ZFR2: variants seen among roughly 807,000 people sequenced by gnomAD.
ZFR2 encodes the protein zinc finger RNA binding protein 2, also known as zinc finger RNA-binding protein 2.
Under a neutral mutation model 105.7 loss-of-function variants are expected in ZFR2, and 104 were observed. The observed-to-expected ratio is 0.98, with a 90% CI of 0.84 to 1.16. ZFR2 has a LOEUF of 1.16. ZFR2 is among the 50% of genes most tolerant of loss of function. The pLI is 0.00. For missense variants in ZFR2, 1,425 were observed against 1,355.5 expected (o/e 1.05, Z -0.80); for synonymous variants, 634 against 597.7 (o/e 1.06, Z -0.89).
chr19:3,819,017 G>A, intron 12 of ZFR2, 28 bp downstream of exon 12: 1 of 1,605,654 alleles, frequency 6.2e-7, no homozygotes. Flanking sequence ...CTGAGAGCCG[G>A]GCCCTGGGGA....
chr19:3,812,753 A>G (rs940513065), intron 14 of ZFR2, among the ~76,000 whole-genome samples: 5 of 151,852 alleles, frequency 3.3e-5, no homozygotes, highest in Admixed American at 2.0e-4. Flanking sequence ...CAAGGCTCTT[A>G]TTAAAAAACA....
At position 3,822,153 on chromosome 19, in the gene ZFR2, G is replaced by A. The variant is rs1386608836; in HGVS notation, c.1419C>T (p.Cys473=). 1.2e-6 allele frequency: 2 copies of A among 1,608,820 alleles called. No homozygotes were observed. Among genetic ancestry groups the A allele is most frequent in the Non-Finnish European group, 1.7e-6 (2 of 1,177,966 alleles). ...CGTTAAGGTCGTTGAAACTGCACTC[G>A]CACAGCTTGCAGTGGAAGCGAAGCA... ...GRVLRFHCKL[C]ECSFNDLNAK... Residue 473 remains cysteine, a synonymous_variant, in exon 9 of 19, where the codon TGC becomes TGT. Transcript: ENST00000262961.
Position 3,862,242 on chromosome 19 carries a change from A to T in ZFR2, c.53+6723T>A, listed in dbSNP as rs532986452. ...AAATCCAGAAACAGAGAATATGTTT[A>T]GGAGAGAAAAAAGTCTCCTAGGAAT... On this transcript the variant is annotated intron_variant, in intron 1 of 18. Transcript: ENST00000262961. 3.9e-5 allele frequency among the ~76,000 whole-genome samples: 6 copies of T among 152,372 alleles called. No individual in the cohort carries two copies. In the South Asian group the frequency reaches 8.3e-4, roughly 21 times the overall value.
chr19:3,805,736 G>T lies in ZFR2; in HGVS notation c.*213C>A. ...GTCTGGGCTGGCCTTGAACTCTCAG[G>T]CTCAAGCAACTCAGCCTCCCAAAGT... On this transcript the variant is annotated 3_prime_UTR_variant, in exon 19 of 19. Transcript: ENST00000262961. The T allele has an allele frequency of 1.9e-6, 1 of 519,584 alleles. No homozygotes were observed. The highest frequency in any genetic ancestry group is 3.2e-6 in the Non-Finnish European group (1 of 310,148). 32.2% of individuals were successfully genotyped at this position (519,584 alleles called of 1,614,324 possible).
At chr19:3,865,603 C>A (rs2038419116) in intron 1 of ZFR2, among the ~76,000 whole-genome samples, 1 of 152,122 alleles carries the variant, frequency 6.6e-6, no homozygotes, top group South Asian at 2.1e-4. Context: ...AGTGATCCTC[C>A]TGTCTTGGCC....
At chr19:3,809,196 G>A (rs780622919) in intron 16 of ZFR2, among the ~76,000 whole-genome samples, 10 of 152,170 alleles carry the variant, frequency 6.6e-5, no homozygotes, top group African/African-American at 2.4e-4. Flanking sequence ...TTCTGAGAGC[G>A]GAGTCTCGCT....
At chr19:3,865,920 C>A (rs545743472) in intron 1 of ZFR2, among the ~76,000 whole-genome samples, 148 of 152,276 alleles carry the variant, frequency 9.7e-4, no homozygotes, top group African/African-American at 3.4e-3. Context: ...CAGCTCACAG[C>A]AACCTCCACC....
rs2037678199 is a variant in ZFR2, at chr19:3,804,622, G to A, written c.*1327C>T. On this transcript the variant is annotated 3_prime_UTR_variant, in exon 19 of 19. Transcript: ENST00000262961. ...GGGAGGCCCAGCCAGGATCCTCATC[G>A]CCCGTCGGCGTGTCCACCTGGCCCT... 6.6e-6 allele frequency: 1 copy of A among 151,690 alleles called. No homozygotes were observed. 9.4% of individuals were successfully genotyped at this position (151,690 alleles called of 1,614,324 possible). A position where few individuals can be genotyped will look rare whatever the true frequency, so the allele number is the denominator to read the frequency against.
Position 3,838,713 on chromosome 19 carries a change from C to T in ZFR2, c.54-3730G>A, listed in dbSNP as rs149160033. ...GTGGCTGCTCAGTGACACCCTGGGA[C>T]GAGCCCTCCTGGAGCCCCTGTGGCC... On this transcript the variant is annotated intron_variant, in intron 1 of 18. Coordinates refer to ENST00000262961, the MANE Select transcript of ZFR2 (RefSeq NM_015174.2). The surrounding 1 kb of genome is among the most constrained non-coding windows in gnomAD (Gnocchi z 4.9). Among the ~76,000 whole-genome samples the T allele has an allele frequency of 0.012, 1,803 of 152,254 alleles. 30 individuals are homozygous for T. The highest frequency in any genetic ancestry group is 0.042 in the African/African-American group (1,730 of 41,544).
rs144364496 is a variant in ZFR2, at chr19:3,846,134, G to A, written c.54-11151C>T. 8.7e-4 allele frequency among the ~76,000 whole-genome samples: 132 copies of A among 152,304 alleles called. 2 individuals carry two copies. The East Asian group carries it at 0.016, about 19-fold the overall frequency. ...TGGGACTAAAGGCGTGTGCCACCAC[G>A]CCTGGCTAATTTTTGTATTTTTAAT... On this transcript the variant is annotated intron_variant, in intron 1 of 18. Transcript: ENST00000262961.
chr19:3,819,440 C>T (rs567432417), intron 11 of ZFR2, among the ~76,000 whole-genome samples: 14 of 152,238 alleles, frequency 9.2e-5, no homozygotes, highest in South Asian at 6.2e-4. Flanking sequence ...GCAGGAAGCT[C>T]GGGTCTGAGT....
chr19:3,812,093 G>T (rs192750767), intron 14 of ZFR2, among the ~76,000 whole-genome samples: 1 of 151,900 alleles, frequency 6.6e-6, no homozygotes, highest in Non-Finnish European at 1.5e-5. Flanking sequence ...ACCGGCGCAC[G>T]CCACCACGCC....
At chr19:3,837,674 G>A (rs543233345) in intron 1 of ZFR2, among the ~76,000 whole-genome samples, 5 of 145,430 alleles carry the variant, frequency 3.4e-5, no homozygotes, top group Admixed American at 1.4e-4. Flanking sequence ...CGTGACACTC[G>A]ATGAACACTG....
rs1214473024 is a variant in ZFR2, at chr19:3,813,716, T to C, written c.2242+104A>G. 2.0e-6 allele frequency: 3 copies of C among 1,499,758 alleles called. No homozygotes were observed. The African/African-American group carries it at 4.2e-5, about 21-fold the overall frequency. 92.9% of individuals were successfully genotyped at this position (1,499,758 alleles called of 1,614,324 possible). A position where few individuals can be genotyped will look rare whatever the true frequency, so the allele number is the denominator to read the frequency against. ...TGCTGGAGCGTGGCTGCTGTGGCAT[T>C]TCCTGCTCAGGGCAGAGGCGGACGC... On this transcript the variant is annotated intron_variant, in intron 14 of 18. Transcript: ENST00000262961. The surrounding 1 kb of genome is among the most constrained non-coding windows in gnomAD (Gnocchi z 4.4).
At chr19:3,820,063 C>G in intron 11 of ZFR2, 119 bp downstream of exon 11, 1 of 989,138 alleles carries the variant, frequency 1.0e-6, no homozygotes, top group Non-Finnish European at 1.5e-6. Context: ...GGCCATGGAG[C>G]CCCATCCCCT....
intron 1 of ZFR2, among the ~76,000 whole-genome samples, chr19:3,846,883 C>T (rs147665118): frequency 6.6e-6 from 1 of 152,356 alleles, no homozygotes; most frequent in East Asian, 1.9e-4. Context: ...AATAGATTAA[C>T]CTTGCAAAAC....
rs992326358 is a variant in ZFR2, at chr19:3,813,491, G to A, written c.2242+329C>T. Among the ~76,000 whole-genome samples the A allele has an allele frequency of 3.9e-5, 6 of 152,192 alleles. No individual in the cohort carries two copies. Among genetic ancestry groups the A allele is most frequent in the East Asian group, 1.9e-4 (1 of 5,186 alleles). ...AAATGGCTCAGACCTGTCCTTTGCC[G>A]CCAGGGCTGGTGTCACCAGGGCCTG... On this transcript the variant is annotated intron_variant, in intron 14 of 18. Transcript: ENST00000262961. This position sits in a 1 kb window ranked among gnomAD's most constrained non-coding sequence, Gnocchi z 4.4.
Position 3,868,953 on chromosome 19 carries a change from C to A in ZFR2, c.53+12G>T. The A allele has an allele frequency of 7.7e-7, 1 of 1,301,938 alleles. No homozygotes were observed. 80.6% of individuals were successfully genotyped at this position (1,301,938 alleles called of 1,614,324 possible). A position where few individuals can be genotyped will look rare whatever the true frequency, so the allele number is the denominator to read the frequency against. On this transcript the variant is annotated intron_variant, in intron 1 of 18. Transcript: ENST00000262961. ...CCGGGACTGGCGGGGGCTGGCGCGG[C>A]GGGGCAGTTACCTGTACTGCGGGCC...
intron 1 of ZFR2, among the ~76,000 whole-genome samples, chr19:3,864,564 C>T (rs1470267951): frequency 2.6e-5 from 4 of 152,192 alleles, no homozygotes; most frequent in East Asian, 1.9e-4. Flanking sequence ...ACGGCAGAGG[C>T]CTCTGGCCTG....
Sources: allele counts gnomAD v4.1 joint callset (sites outside exome capture counted in the v4.1 genomes callset), GRCh38; gene constraint gnomAD v4.1.1; non-coding constraint Gnocchi (gnomAD v3.1); transcripts MANE v1.5; gene names NCBI Gene and HGNC (gene_info 2026-07-23, HGNC 2026-07-21).